CSMD1: variants seen among roughly 807,000 people sequenced by gnomAD.
The protein encoded by CSMD1 is CUB and Sushi multiple domains 1.
Under a neutral mutation model 417.5 loss-of-function variants are expected in CSMD1, and 213 were observed. The ratio of observed to expected loss-of-function variants is 0.51; its 90% CI spans 0.46 to 0.57. The LOEUF (loss-of-function observed/expected upper bound fraction) is 0.57, where lower values mean the gene tolerates loss of function less well. Ranked by LOEUF, CSMD1 falls within the 20% of genes least tolerant of loss-of-function variation. The pLI, the probability that CSMD1 is intolerant of heterozygous loss-of-function variation, is 0.00. For synonymous variants in CSMD1, 2,862 were observed against 1,736.8 expected, an observed-to-expected ratio of 1.65 and a Z score of -16.11; for missense variants, 6,923 against 4,529.7, an observed-to-expected ratio of 1.53 and a Z score of -15.17.
intron 37 of CSMD1, among the ~76,000 whole-genome samples, chr8:3,179,840 CACT>C (rs1383922570): frequency 6.6e-6 from 1 of 152,212 alleles, no homozygotes; most frequent in Non-Finnish European, 1.5e-5. Context: ...TTTATACTGT[CACT>C]GAAGTAGTCC....
intron 1 of CSMD1, among the ~76,000 whole-genome samples, chr8:4,731,155 T>C (rs769513634): frequency 6.6e-6 from 1 of 152,196 alleles, no homozygotes; most frequent in Non-Finnish European, 1.5e-5. Context: ...AGCATTTAAC[T>C]TTCCGAGCTG....
At chr8:3,318,613 G>A (rs1805940972) in intron 23 of CSMD1, among the ~76,000 whole-genome samples, 1 of 152,174 alleles carries the variant, frequency 6.6e-6, no homozygotes, top group Admixed American at 6.5e-5. Context: ...GTGTTTCAAT[G>A]TATAAGCATG....
intron 15 of CSMD1, among the ~76,000 whole-genome samples, chr8:3,404,282 C>T (rs933265640): frequency 2.0e-5 from 3 of 150,462 alleles, no homozygotes; most frequent in Non-Finnish European, 4.4e-5. Flanking sequence ...TTGCAGTGAG[C>T]TGAGATTGCA....
intron 2 of CSMD1, among the ~76,000 whole-genome samples, chr8:4,625,468 C>T (rs1359904768): frequency 1.3e-5 from 2 of 151,880 alleles, no homozygotes; most frequent in Admixed American, 6.6e-5. Context: ...GCACAATCAT[C>T]GTAAATACTC....
chr8:4,893,255 T>C (rs1161329232), intron 1 of CSMD1, among the ~76,000 whole-genome samples: 4 of 152,164 alleles, frequency 2.6e-5, no homozygotes, highest in African/African-American at 9.7e-5. Flanking sequence ...TTAATATTTT[T>C]CCAATGTTTC....
chr8:4,243,390 G>A (rs761386671), intron 3 of CSMD1, among the ~76,000 whole-genome samples: 3 of 152,122 alleles, frequency 2.0e-5, no homozygotes, highest in African/African-American at 4.8e-5. Flanking sequence ...TTGACTTGGA[G>A]AGAATGACTC....
intron 3 of CSMD1, among the ~76,000 whole-genome samples, chr8:4,304,480 C>T (rs562335296): frequency 3.3e-5 from 5 of 152,286 alleles, no homozygotes; most frequent in African/African-American, 1.2e-4. Context: ...AGTACAGAGT[C>T]CCATCCTGAC....
intron 5 of CSMD1, among the ~76,000 whole-genome samples, chr8:3,811,232 A>G (rs1288072888): frequency 6.6e-6 from 1 of 152,178 alleles, no homozygotes; most frequent in African/African-American, 2.4e-5. Context: ...TGAGTATGAA[A>G]CACCCAAGTT....
intron 3 of CSMD1, among the ~76,000 whole-genome samples, chr8:4,273,306 C>T (rs1219247108): frequency 6.6e-6 from 1 of 151,996 alleles, no homozygotes; most frequent in Non-Finnish European, 1.5e-5. Flanking sequence ...ATAATTTTTC[C>T]AGTTTTATGT....
intron 3 of CSMD1, among the ~76,000 whole-genome samples, chr8:4,233,607 C>A (rs1016666433): frequency 6.6e-6 from 1 of 152,120 alleles, no homozygotes. Context: ...GATCCCCAAC[C>A]AGGACACCTT....
At chr8:4,194,817 C>T (rs1317619736) in intron 3 of CSMD1, among the ~76,000 whole-genome samples, 3 of 150,740 alleles carry the variant, frequency 2.0e-5, no homozygotes, top group African/African-American at 4.9e-5. Context: ...ATGAGTTCTG[C>T]AAAGAAAAAA....
intron 10 of CSMD1, among the ~76,000 whole-genome samples, chr8:3,555,507 C>A (rs1799105935): frequency 6.6e-6 from 1 of 152,190 alleles, no homozygotes; most frequent in Non-Finnish European, 1.5e-5. Flanking sequence ...ATTCTATGCA[C>A]TGAGCCCCAT....
At chr8:4,068,485 C>T (rs574245666) in intron 3 of CSMD1, among the ~76,000 whole-genome samples, 2 of 152,270 alleles carry the variant, frequency 1.3e-5, no homozygotes, top group South Asian at 4.1e-4. Context: ...TAACACATAG[C>T]ATCATTACAG....
At chr8:4,690,227 A>C (rs182338092) in intron 1 of CSMD1, among the ~76,000 whole-genome samples, 1 of 152,172 alleles carries the variant, frequency 6.6e-6, no homozygotes, top group Non-Finnish European at 1.5e-5. Flanking sequence ...AGGCTGTGAA[A>C]ATTTCTAGAC....
chr8:4,052,234 G>T (rs72624071), intron 3 of CSMD1, among the ~76,000 whole-genome samples: 3 of 152,092 alleles, frequency 2.0e-5, no homozygotes, highest in Non-Finnish European at 4.4e-5. Context: ...CAGTACTGCA[G>T]GATTTCTGAG....
At chr8:4,067,934 G>C (rs6983757) in intron 3 of CSMD1, among the ~76,000 whole-genome samples, 66,200 of 151,828 alleles carry the variant, frequency 0.44, 16,453 homozygotes, top group Non-Finnish European at 0.55. Flanking sequence ...AAAATTAACT[G>C]GGCATGGTGG....
At chr8:3,612,691 G>A (rs537334235) in intron 8 of CSMD1, among the ~76,000 whole-genome samples, 6 of 152,038 alleles carry the variant, frequency 3.9e-5, no homozygotes, top group South Asian at 4.1e-4. Context: ...GAACAAAAAA[G>A]TAATCACAAG....
At chr8:4,081,269 G>A (rs1026351903) in intron 3 of CSMD1, among the ~76,000 whole-genome samples, 4 of 152,102 alleles carry the variant, frequency 2.6e-5, no homozygotes, top group Non-Finnish European at 4.4e-5. Context: ...TTTGAAATAC[G>A]CCCAGCGATT....
At chr8:4,444,346 C>CAAAAAAAAAAAAAAAAAAAAAAAAAAAA (rs112028005) in intron 2 of CSMD1, among the ~76,000 whole-genome samples, 1 of 46,276 alleles carries the variant, frequency 2.2e-5, no homozygotes, top group African/African-American at 7.1e-5. Flanking sequence ...GACTCCATCT[C>CAAAAAAAAAAAAAAAAAAAAAAAAAAAA]AAAAAAAAAA....
Sources: gnomAD v4.1 joint callset for allele counts (sites outside exome capture counted in the v4.1 genomes callset) on GRCh38, gnomAD v4.1.1 for gene constraint, MANE v1.5 for transcripts, NCBI Gene and HGNC (gene_info 2026-07-23, HGNC 2026-07-21) for gene names.